DHCR7: variants seen among roughly 807,000 people sequenced by gnomAD.
DHCR7 encodes the protein 7-DHC reductase.
In DHCR7, 40 loss-of-function variants were observed where a neutral mutation model predicts 43.3. The observed-to-expected ratio is 0.92, with a 90% confidence interval of 0.72 to 1.20. The LOEUF is 1.20. Ranked by LOEUF, DHCR7 falls within the 50% of genes most tolerant of loss-of-function variation. The pLI is 0.00. For synonymous variants in DHCR7, 298 were observed against 271.4 expected (o/e 1.10, Z -0.96); for missense variants, 608 against 644.6 (o/e 0.94, Z 0.62).
At chr11:71,430,974 G>A (rs186709837), downstream of DHCR7, among the ~76,000 whole-genome samples, 587 of 152,310 alleles carry the variant, frequency 3.9e-3, 1 homozygote, top group Non-Finnish European at 6.4e-3. Context: ...GACCAACATG[G>A]AGAAACCCAG....
In DHCR7 at chr11:71,435,368, C is replaced by T. The variant is rs537515766; in HGVS notation, c.*7G>A. The T allele has an allele frequency of 1.5e-5, 24 of 1,611,100 alleles. No homozygotes were observed. The highest frequency in any genetic ancestry group is 4.0e-5 in the African/African-American group (3 of 75,062). On this transcript the variant is annotated 3_prime_UTR_variant, in exon 9 of 9. Transcript: ENST00000355527. ...AGCCCCACAGGGCTTCTCCCTAGGG[C>T]GTGCCCTTAGAAGATTCCAGGCAGC... is the stretch of plus-strand genomic sequence containing the variant.
intron 2 of DHCR7, among the ~76,000 whole-genome samples, chr11:71,446,391 AT>A (rs1365938082): frequency 6.6e-6 from 1 of 152,198 alleles, no homozygotes. Flanking sequence ...AATAATGGTA[AT>A]TTTGTCATAA....
Position 71,435,587 on chromosome 11 carries a change from A to G in DHCR7, c.1216T>C (p.Phe406Leu). The G allele has an allele frequency of 6.2e-7, 1 of 1,609,162 alleles. No individual in the cohort carries two copies. The highest frequency in any genetic ancestry group is 8.5e-7 in the Non-Finnish European group (1 of 1,179,574). ...CCCATCAGGTCGCCGACGTAGTTGA[A>G]GTGGCGGGCCACGCCCCAGAAGCCC... ...VSGFWGVARH[F>L]NYVGDLMGSL... is the part of the protein sequence containing the mutation. The change falls in exon 9 of 9, where the codon TTC becomes CTC. Residue 406 changes from phenylalanine (F) to leucine (L), a missense_variant. Coordinates refer to ENST00000355527, the MANE Select transcript of DHCR7 (RefSeq NM_001360.3).
chr11:71,441,942 C>T lies in DHCR7; in HGVS notation c.412+321G>A, dbSNP rs78311914. Among the ~76,000 whole-genome samples the T allele has an allele frequency of 6.7e-3, 1,022 of 152,280 alleles. 10 individuals are homozygous for T. The highest frequency in any genetic ancestry group is 0.015 in the African/African-American group (607 of 41,550). On this transcript the variant is annotated intron_variant, in intron 5 of 8. Transcript: ENST00000355527. ...AGGAATGAACAGACAAGGTCTCCCACGGACAGCCCCGAGGAATGGTGGTCT... is the reference window on the plus strand; with the variant it reads ...AGGAATGAACAGACAAGGTCTCCCATGGACAGCCCCGAGGAATGGTGGTCT...
In DHCR7 at chr11:71,444,175, G is replaced by C. The variant is rs140721259; in HGVS notation, c.139C>G (p.Leu47Val). 2 of 1,606,548 alleles carry C rather than the reference G, an allele frequency of 1.2e-6. No homozygotes were observed. The highest frequency in any genetic ancestry group is 1.7e-5 in the Admixed American group (1 of 58,864). Reference sequence around the variant, plus strand: ...TAGACGATGAAGGGGGCGAACAGCAGTAGGAAGATGACGCTCGCCAGTGAA... The same window carrying C: ...TAGACGATGAAGGGGGCGAACAGCACTAGGAAGATGACGCTCGCCAGTGAA... Reference protein sequence around the residue: ...WFSLASVIFLLLFAPFIVYYF... With the variant: ...WFSLASVIFLVLFAPFIVYYF... The change falls in exon 4 of 9, where the codon CTG (leucine) becomes GTG (valine). Residue 47 changes from leucine (L) to valine (V), a missense_variant. Leu to Val is a conservative substitution (Grantham distance 32). Transcript: ENST00000355527.
intron 2 of DHCR7, among the ~76,000 whole-genome samples, chr11:71,446,633 C>T (rs1949406795): frequency 6.6e-6 from 1 of 152,212 alleles, no homozygotes; most frequent in African/African-American, 2.4e-5. Context: ...AAAATGTGTG[C>T]ATGAATTACT....
rs1555145605 is a variant in DHCR7 at position 71,435,657 on chromosome 11, G to A, written c.1146C>T (p.Tyr382=). 6 of 1,612,968 alleles carry A rather than the reference G, an allele frequency of 3.7e-6. No individual in the cohort carries two copies. Among genetic ancestry groups the A allele is most frequent in the Non-Finnish European group, 5.1e-6 (6 of 1,179,928 alleles). ...GRKPKVIECS[Y]TSADGQRHHS... is the part of the protein sequence containing the mutation. ...GGTGCCTCTGCCCATCGGCGGATGT[G>A]TAGGAGCACTCGATGACCTTGGGCT... is the stretch of plus-strand genomic sequence containing the variant. Residue 382 remains tyrosine, a synonymous_variant, in exon 9 of 9, where the codon TAC becomes TAT. Transcript: ENST00000355527.
chr11:71,443,915 A>G lies in DHCR7; in HGVS notation c.321+78T>C, dbSNP rs557737952. 5.0e-6 allele frequency: 6 copies of G among 1,200,358 alleles called. No homozygotes were observed. The South Asian group carries it at 8.8e-5, about 18-fold the overall frequency. The allele number at this position is 1,200,358 out of a possible 1,614,324, so 74.4% of individuals were successfully genotyped here. A position where few individuals can be genotyped will look rare whatever the true frequency, so the allele number is the denominator to read the frequency against. On this transcript the variant is annotated intron_variant, in intron 4 of 8. Transcript: ENST00000355527. Reference sequence around the variant, plus strand: ...ACCTGAGCCAGGATCCATGTCCCAGACAAATGGAAGGACTACCCCAGCAGG... The same window carrying G: ...ACCTGAGCCAGGATCCATGTCCCAGGCAAATGGAAGGACTACCCCAGCAGG...
chr11:71,428,592 A>G (rs1222724303), exon 3 of DHCR7: 1 of 294,654 alleles, frequency 3.4e-6, no homozygotes, highest in Non-Finnish European at 6.7e-6. Context: ...ATGGCAGGAT[A>G]TAACTGTGAG....
chr11:71,444,327 T>C (rs1345574892), intron 3 of DHCR7, 112 bp from the exon 4 acceptor site: 43 of 876,538 alleles, frequency 4.9e-5, no homozygotes, highest in Admixed American at 2.0e-5. Context: ...CAGTACCCCA[T>C]GACAGAAGGC....
At position 71,435,103 on chromosome 11, in the gene DHCR7, G is replaced by C; in HGVS notation, c.*272C>G. 1 of 650,220 alleles carries C rather than the reference G, an allele frequency of 1.5e-6. No individual in the cohort carries two copies. The allele number at this position is 650,220 out of a possible 1,614,324, so 40.3% of individuals were successfully genotyped here. On this transcript the variant is annotated 3_prime_UTR_variant, in exon 9 of 9. Transcript: ENST00000355527. ...TTGTCTCCAAAGGACTAGTAAAGGT[G>C]ACTGGGTCATCCTCCTGCCCCAGGG... is the stretch of plus-strand genomic sequence containing the variant.
At chr11:71,430,882 C>T (rs536436354), downstream of DHCR7, among the ~76,000 whole-genome samples, 11 of 152,304 alleles carry the variant, frequency 7.2e-5, no homozygotes, top group East Asian at 5.8e-4. Flanking sequence ...AGGCTGGGCA[C>T]GGTGGCTCAC....
upstream of DHCR7, chr11:71,448,723 G>T (rs1010410339): frequency 6.6e-6 from 1 of 152,320 alleles, no homozygotes; most frequent in East Asian, 1.9e-4. Flanking sequence ...CTGGATCATC[G>T]TGCCTCAGTT....
exon 3 of DHCR7, chr11:71,428,344 G>A (rs1285216912): frequency 6.6e-6 from 1 of 152,188 alleles, no homozygotes; most frequent in African/African-American, 2.4e-5. Context: ...ATGAATTAGT[G>A]TCCTTTTTTC....
At chr11:71,437,509 T>C (rs1007866987) in intron 8 of DHCR7, among the ~76,000 whole-genome samples, 2 of 152,022 alleles carry the variant, frequency 1.3e-5, no homozygotes, top group East Asian at 3.9e-4. Context: ...CAGCACATCC[T>C]AGGAGGCAGG....
At position 71,435,639 on chromosome 11, in the gene DHCR7, C is replaced by A; in HGVS notation, c.1164G>T (p.Gln388His). 6.2e-7 allele frequency: 1 copy of A among 1,612,460 alleles called. No homozygotes were observed. Among genetic ancestry groups the A allele is most frequent in the Non-Finnish European group, 8.5e-7 (1 of 1,179,918 alleles). The change falls in exon 9 of 9, where the codon CAG becomes CAT. Residue 388 changes from glutamine to histidine, a missense_variant. Coordinates refer to ENST00000355527, the MANE Select transcript of DHCR7 (RefSeq NM_001360.3). ...IECSYTSADG[Q>H]RHHSKLLVSG... ...ACACCAGCAGCTTGCTGTGGTGCCTCTGCCCATCGGCGGATGTGTAGGAGC... is the reference window on the plus strand; with the variant it reads ...ACACCAGCAGCTTGCTGTGGTGCCTATGCCCATCGGCGGATGTGTAGGAGC...
chr11:71,432,794 C>T (rs892691760), downstream of DHCR7, among the ~76,000 whole-genome samples: 1 of 152,156 alleles, frequency 6.6e-6, no homozygotes, highest in African/African-American at 2.4e-5. Context: ...GCCTCAGTTT[C>T]CCAAGAAATC....
At position 71,435,560 on chromosome 11, in the gene DHCR7, T is replaced by C. The variant is rs754224400; in HGVS notation, c.1243A>G (p.Ser415Gly). The C allele has an allele frequency of 9.3e-6, 15 of 1,610,840 alleles. No homozygotes were observed. In the South Asian group the frequency reaches 1.6e-4, roughly 18 times the overall value. ...CCACAGGCCAGGCAGTAGGCCAGGCTGCCCATCAGGTCGCCGACGTAGTTG... is the reference window on the plus strand; with the variant it reads ...CCACAGGCCAGGCAGTAGGCCAGGCCGCCCATCAGGTCGCCGACGTAGTTG... ...HFNYVGDLMGSLAYCLACGGG... is the reference protein window; with the variant it reads ...HFNYVGDLMGGLAYCLACGGG... Residue 415 changes from serine to glycine, a missense_variant, in exon 9 of 9, where the codon AGC becomes GGC. By Grantham distance (56) the Ser-to-Gly change is moderately conservative. Coordinates refer to ENST00000355527, the MANE Select transcript of DHCR7 (RefSeq NM_001360.3).
chr11:71,445,906 A>G (rs1272385446), intron 2 of DHCR7, among the ~76,000 whole-genome samples: 1 of 152,256 alleles, frequency 6.6e-6, no homozygotes, highest in Non-Finnish European at 1.5e-5. Context: ...CTAGAAGACA[A>G]TGATGAAAAA....
Sources: gnomAD v4.1 joint callset for allele counts (sites outside exome capture counted in the v4.1 genomes callset) on GRCh38, gnomAD v4.1.1 for gene constraint, MANE v1.5 for transcripts, NCBI Gene and HGNC (gene_info 2026-07-23, HGNC 2026-07-21) for gene names.